Variants in CFAP45 observed in about 807,000 individuals in gnomAD.
The protein encoded by CFAP45 is cilia and flagella associated protein 45.
A neutral mutation model predicts 75.6 loss-of-function variants in CFAP45; 43 were observed. The observed-to-expected ratio is 0.57, with a 90% CI of 0.45 to 0.73. The LOEUF is 0.73. Among genes scored for constraint, CFAP45 ranks in the 30% least tolerant of loss-of-function variants. The pLI, the probability that CFAP45 is intolerant of heterozygous loss-of-function variation, is 0.00. For missense variants in CFAP45, 689 were observed against 701.5 expected, an observed-to-expected ratio of 0.98 and a Z score of 0.20; for synonymous variants, 223 against 244.6, an observed-to-expected ratio of 0.91 and a Z score of 0.82.
intron 3 of CFAP45, among the ~76,000 whole-genome samples, chr1:159,889,211 A>G (rs1454784623): frequency 1.3e-5 from 2 of 151,846 alleles, no homozygotes; most frequent in Non-Finnish European, 2.9e-5. Flanking sequence ...AACGCATTCA[A>G]CAAACCAATC....
chr1:159,874,222 C>A (rs1393627288), intron 10 of CFAP45, among the ~76,000 whole-genome samples: 1 of 152,132 alleles, frequency 6.6e-6, no homozygotes. Context: ...AATGTAAAAT[C>A]ATCTTAGGCA....
chr1:159,884,257 G>T (rs138277225), intron 7 of CFAP45, among the ~76,000 whole-genome samples, 179 bp downstream of exon 7: 1 of 152,132 alleles, frequency 6.6e-6, no homozygotes, highest in Non-Finnish European at 1.5e-5. Context: ...TGCTCATCCC[G>T]CAGCGTGACA....
Position 159,893,232 on chromosome 1 carries a change from C to G in CFAP45, c.77G>C (p.Arg26Pro). 6.2e-7 allele frequency: 1 copy of G among 1,613,980 alleles called. No individual in the cohort carries two copies. Among genetic ancestry groups the G allele is most frequent in the Non-Finnish European group, 8.5e-7 (1 of 1,179,942 alleles). The change falls in exon 2 of 12, where the codon CGG becomes CCG. Residue 26 changes from arginine (R) to proline (P), a missense_variant. By Grantham distance (103) the Arg-to-Pro change is moderately radical. Coordinates refer to ENST00000368099, the MANE Select transcript of CFAP45 (RefSeq NM_012337.3). ...CACCTCAGAGCTCACGGCTTTGGTC[C>G]GATAGCGAGCCTTATTCCTTGACCT... Reference protein sequence around the residue: ...SNRSRNKARYRTKAVSSEVDE... With the variant: ...SNRSRNKARYPTKAVSSEVDE...
intron 2 of CFAP45, 80 bp downstream of exon 2, chr1:159,893,100 G>A (rs1649865214): frequency 6.6e-7 from 1 of 1,523,244 alleles, no homozygotes; most frequent in African/African-American, 1.4e-5. Flanking sequence ...AGGTTACTCA[G>A]CAGAAGCTTT....
At chr1:159,890,757 CT>C (rs965390100) in intron 2 of CFAP45, 135 bp from the exon 3 acceptor site, 20,916 of 316,146 alleles carry the variant, frequency 0.066, 45 homozygotes, top group South Asian at 0.081. Flanking sequence ...CTTTTCTTTT[CT>C]TTTTTTTTTT....
chr1:159,879,814 A>G (rs929602105), intron 8 of CFAP45, among the ~76,000 whole-genome samples: 1 of 152,350 alleles, frequency 6.6e-6, no homozygotes. Context: ...TTCTGTCATC[A>G]TGGAATTTCA....
intron 10 of CFAP45, among the ~76,000 whole-genome samples, chr1:159,875,205 A>C (rs1481422410): frequency 6.6e-6 from 1 of 152,274 alleles, no homozygotes; most frequent in Non-Finnish European, 1.5e-5. Context: ...AGTAGGACTT[A>C]AATTTCATTT....
chr1:159,883,043 AC>A (rs1255794841), intron 7 of CFAP45, among the ~76,000 whole-genome samples: 1 of 152,116 alleles, frequency 6.6e-6, no homozygotes, highest in Non-Finnish European at 1.5e-5. Flanking sequence ...CTTCATAATT[AC>A]AAGTCTGCCC....
At chr1:159,877,162 A>G (rs1470461664) in intron 9 of CFAP45, among the ~76,000 whole-genome samples, 187 bp downstream of exon 9, 1 of 152,214 alleles carries the variant, frequency 6.6e-6, no homozygotes, top group Middle Eastern at 3.2e-3. Context: ...CACAGGCTGC[A>G]CTGCCCAATC....
At chr1:159,883,058 T>A (rs529111240) in intron 7 of CFAP45, among the ~76,000 whole-genome samples, 24 of 152,194 alleles carry the variant, frequency 1.6e-4, no homozygotes, top group Admixed American at 1.6e-3. Flanking sequence ...TCTGCCCACC[T>A]GCAGCACTCT....
At chr1:159,880,788 G>A in intron 7 of CFAP45, 88 bp from the exon 8 acceptor site, 2 of 1,308,572 alleles carry the variant, frequency 1.5e-6, no homozygotes, top group South Asian at 2.7e-5. Flanking sequence ...GCAGACAGAG[G>A]AGGGGGCAAA....
chr1:159,876,841 A>G, intron 9 of CFAP45, 92 bp from the exon 10 acceptor site: 8 of 1,205,310 alleles, frequency 6.6e-6, no homozygotes, highest in Non-Finnish European at 7.3e-6. Context: ...ACAGACTCTG[A>G]CAGTCTGCTT....
chr1:159,890,917 C>A (rs993424473), intron 2 of CFAP45, among the ~76,000 whole-genome samples: 31 of 152,040 alleles, frequency 2.0e-4, no homozygotes, highest in African/African-American at 7.2e-4. Flanking sequence ...CACCACCATG[C>A]CTGGCTAATT....
intron 1 of CFAP45, chr1:159,899,842 G>T: frequency 4.2e-6 from 2 of 478,806 alleles, no homozygotes; most frequent in Non-Finnish European, 7.7e-6. Flanking sequence ...ACGGGGAGAG[G>T]GTTGGGGCAT....
chr1:159,873,827 C>T (rs1288955216), intron 10 of CFAP45, among the ~76,000 whole-genome samples: 2 of 134,524 alleles, frequency 1.5e-5, no homozygotes, highest in Non-Finnish European at 3.3e-5. Context: ...GAGATTTCTT[C>T]TCCTTCCTTC....
At chr1:159,872,743 C>T (rs1473960133) in intron 11 of CFAP45, among the ~76,000 whole-genome samples, 180 bp from the exon 12 acceptor site, 1 of 152,182 alleles carries the variant, frequency 6.6e-6, no homozygotes, top group Non-Finnish European at 1.5e-5. Flanking sequence ...CAAGGAGCTC[C>T]CAGAGAGCCA....
At chr1:159,889,315 A>T (rs766970699) in intron 3 of CFAP45, among the ~76,000 whole-genome samples, 5 of 152,204 alleles carry the variant, frequency 3.3e-5, no homozygotes, top group Non-Finnish European at 7.3e-5. Context: ...TGGGTGAGGC[A>T]GGTACATGCC....
At chr1:159,886,390 G>T in intron 6 of CFAP45, 121 bp downstream of exon 6, 5 of 870,698 alleles carry the variant, frequency 5.7e-6, no homozygotes, top group Non-Finnish European at 9.2e-6. Flanking sequence ...GTAAAGTTTT[G>T]AGATAATAAG....
chr1:159,883,368 G>A (rs761115854), intron 7 of CFAP45, among the ~76,000 whole-genome samples: 4 of 152,130 alleles, frequency 2.6e-5, no homozygotes, highest in Non-Finnish European at 5.9e-5. Flanking sequence ...AATGCAATGT[G>A]CAAACCTTGA....
Sources: gnomAD v4.1 joint callset for allele counts (sites outside exome capture counted in the v4.1 genomes callset) on GRCh38, gnomAD v4.1.1 for gene constraint, MANE v1.5 for transcripts, NCBI Gene and HGNC (gene_info 2026-07-23, HGNC 2026-07-21) for gene names.